TRPS1: variants seen among roughly 807,000 people sequenced by gnomAD.
TRPS1 encodes the protein zinc finger transcription factor Trps1.
A neutral mutation model predicts 101.2 loss-of-function variants in TRPS1; 6 were observed. The ratio of observed to expected loss-of-function variants is 0.06; its 90% CI spans 0.03 to 0.12. The LOEUF is 0.12. TRPS1 is among the 10% of genes least tolerant of loss of function. TRPS1 has a pLI of 1.00. For synonymous variants in TRPS1, 578 were observed against 589.8 expected (o/e 0.98, Z 0.29); for missense variants, 1,363 against 1,567.0 (o/e 0.87, Z 2.20).
chr8:115,635,053 G>GA (rs1046691130), intron 1 of TRPS1, among the ~76,000 whole-genome samples: 2 of 152,084 alleles, frequency 1.3e-5, no homozygotes, highest in African/African-American at 4.8e-5. Context: ...TATGAACAGT[G>GA]AAAAAACCAC....
At position 115,415,025 on chromosome 8, in the gene TRPS1, T is replaced by C. The variant is rs770260264; in HGVS notation, c.2883A>G (p.Arg961=). The C allele has an allele frequency of 6.3e-7, 1 of 1,582,182 alleles. No homozygotes were observed. Among genetic ancestry groups the C allele is most frequent in the Admixed American group, 1.9e-5 (1 of 51,320 alleles). ...QNNGEQIIRR[R]TRKRLNPEAL... is the part of the protein sequence containing the mutation. Reference sequence around the variant, plus strand: ...CCTCTGGGTTAAGGCGCTTTCTTGTTCTCCTCCTAATAATCTGCTCACCGT... The same window carrying C: ...CCTCTGGGTTAAGGCGCTTTCTTGTCCTCCTCCTAATAATCTGCTCACCGT... The change falls in exon 7 of 7, where the codon AGA becomes AGG. Residue 961 remains arginine (R), a synonymous_variant. Coordinates refer to ENST00000395715, the MANE Select transcript of TRPS1 (RefSeq NM_014112.5).
At chr8:115,462,284 T>G (rs1252956927) in intron 5 of TRPS1, among the ~76,000 whole-genome samples, 3 of 152,026 alleles carry the variant, frequency 2.0e-5, no homozygotes, top group African/African-American at 7.2e-5. Context: ...AGAAAAATCA[T>G]TGTGACTAGT....
At chr8:115,660,089 G>T (rs1448991073) in intron 1 of TRPS1, among the ~76,000 whole-genome samples, 1 of 151,854 alleles carries the variant, frequency 6.6e-6, no homozygotes, top group African/African-American at 2.4e-5. Context: ...TGATCCCTTT[G>T]TACATGAAGT....
chr8:115,526,197 T>C (rs1474652883), intron 5 of TRPS1, among the ~76,000 whole-genome samples: 1 of 152,100 alleles, frequency 6.6e-6, no homozygotes, highest in Non-Finnish European at 1.5e-5. Flanking sequence ...TAATCCCAGC[T>C]ACTCGAGAGA....
intron 5 of TRPS1, among the ~76,000 whole-genome samples, chr8:115,465,788 T>G (rs1479629609): frequency 6.6e-6 from 1 of 152,308 alleles, no homozygotes; most frequent in African/African-American, 2.4e-5. Context: ...AGGGCTCATT[T>G]TAGCTTATAA....
At chr8:115,535,103 T>C (rs1816252257) in intron 5 of TRPS1, among the ~76,000 whole-genome samples, 1 of 148,194 alleles carries the variant, frequency 6.7e-6, no homozygotes, top group Non-Finnish European at 1.5e-5. Context: ...CGCATATGTA[T>C]AGCATATATA....
chr8:115,472,767 T>C (rs1814504557), intron 5 of TRPS1, among the ~76,000 whole-genome samples: 1 of 152,218 alleles, frequency 6.6e-6, no homozygotes. Flanking sequence ...CTTAGAAATT[T>C]CTTCCACCAG....
At chr8:115,422,948 T>C (rs565376241) in intron 5 of TRPS1, among the ~76,000 whole-genome samples, 20 of 152,254 alleles carry the variant, frequency 1.3e-4, no homozygotes, top group Admixed American at 2.6e-4. Context: ...ATAACACCAA[T>C]TGGCATTCCT....
At chr8:115,592,889 G>T (rs576826257) in intron 4 of TRPS1, among the ~76,000 whole-genome samples, 1 of 152,274 alleles carries the variant, frequency 6.6e-6, no homozygotes, top group Admixed American at 6.5e-5. Flanking sequence ...GAATCATGCA[G>T]CTATGGTCAT....
intron 5 of TRPS1, among the ~76,000 whole-genome samples, chr8:115,522,455 G>A (rs1325452554): frequency 2.0e-5 from 3 of 152,016 alleles, no homozygotes; most frequent in Non-Finnish European, 4.4e-5. Flanking sequence ...CATTTGTCAA[G>A]TGGAAATTTT....
intron 5 of TRPS1, among the ~76,000 whole-genome samples, chr8:115,448,535 T>G (rs1223120594): frequency 6.6e-6 from 1 of 152,114 alleles, no homozygotes; most frequent in Non-Finnish European, 1.5e-5. Flanking sequence ...CTTTAGGCCT[T>G]TGGTCAAAAA....
chr8:115,631,699 TTCTA>T (rs1818649910), intron 1 of TRPS1, among the ~76,000 whole-genome samples: 1 of 151,922 alleles, frequency 6.6e-6, no homozygotes, highest in African/African-American at 2.4e-5. Context: ...ACTTAGAAAT[TTCTA>T]TATATTGCTT....
intron 1 of TRPS1, among the ~76,000 whole-genome samples, chr8:115,643,245 A>C (rs1047004680): frequency 1.3e-5 from 2 of 152,132 alleles, no homozygotes; most frequent in African/African-American, 2.4e-5. Context: ...GCAACAATGA[A>C]GCTTCCCACA....
chr8:115,659,132 C>T (rs1811739606), intron 1 of TRPS1, among the ~76,000 whole-genome samples: 1 of 151,928 alleles, frequency 6.6e-6, no homozygotes, highest in Admixed American at 6.6e-5. Context: ...CCACATCATA[C>T]ATCCAAAGAA....
intron 5 of TRPS1, among the ~76,000 whole-genome samples, chr8:115,460,895 A>G (rs1814151123): frequency 6.6e-6 from 1 of 152,188 alleles, no homozygotes; most frequent in Non-Finnish European, 1.5e-5. Context: ...ATTAGAATGA[A>G]TTTATCTCAC....
chr8:115,534,216 G>A (rs1586373822), intron 5 of TRPS1, among the ~76,000 whole-genome samples: 1 of 141,750 alleles, frequency 7.1e-6, no homozygotes, highest in South Asian at 2.3e-4. Flanking sequence ...TCTAACTGCA[G>A]TACCATCACA....
At chr8:115,451,002 T>G (rs1270502207) in intron 5 of TRPS1, among the ~76,000 whole-genome samples, 1 of 152,090 alleles carries the variant, frequency 6.6e-6, no homozygotes, top group Non-Finnish European at 1.5e-5. Context: ...TACAAAAGGG[T>G]GGTTAGAGTG....
At chr8:115,504,526 C>A (rs776983684) in intron 5 of TRPS1, among the ~76,000 whole-genome samples, 43 of 152,310 alleles carry the variant, frequency 2.8e-4, no homozygotes, top group Middle Eastern at 3.4e-3. Flanking sequence ...CAACCTAATG[C>A]ACCCAACTGA....
intron 5 of TRPS1, among the ~76,000 whole-genome samples, chr8:115,498,978 C>A (rs111505862): frequency 0.021 from 3,241 of 152,170 alleles, 115 homozygotes; most frequent in African/African-American, 0.068. Context: ...CTTATTAAAT[C>A]TTTTGGAAAA....
Sources: gnomAD v4.1 joint callset for allele counts (sites outside exome capture counted in the v4.1 genomes callset) on GRCh38, gnomAD v4.1.1 for gene constraint, MANE v1.5 for transcripts, NCBI Gene and HGNC (gene_info 2026-07-23, HGNC 2026-07-21) for gene names.